Variants in ERI2 observed in about 807,000 individuals in gnomAD.
ERI2 encodes ERI1 exoribonuclease 2.
A neutral mutation model predicts 46.8 loss-of-function variants in ERI2; 35 were observed. The observed-to-expected ratio is 0.75, with a 90% CI of 0.57 to 0.99. The LOEUF is 0.99. Among genes scored for constraint, ERI2 ranks in the 50% least tolerant of loss-of-function variants. ERI2 has a pLI of 0.00. For synonymous variants in ERI2, 224 were observed against 271.0 expected, an observed-to-expected ratio of 0.83 and a Z score of 1.70; for missense variants, 695 against 796.2, an observed-to-expected ratio of 0.87 and a Z score of 1.53.
At chr16:20,780,246 C>A in exon 11 of ERI2, 1 of 183,822 alleles carries the variant, frequency 5.4e-6, no homozygotes, top group East Asian at 1.5e-4. Flanking sequence ...CAGATTTTGC[C>A]AGTAGGCTGT....
At chr16:20,786,753 A>G (rs1596531733) in intron 10 of ERI2, among the ~76,000 whole-genome samples, 2 of 152,172 alleles carry the variant, frequency 1.3e-5, no homozygotes, top group African/African-American at 4.8e-5. Context: ...TATTAGAACC[A>G]TTTTACAAAC....
chr16:20,793,328 G>C (rs2080644511), downstream of ERI2, among the ~76,000 whole-genome samples: 1 of 152,084 alleles, frequency 6.6e-6, no homozygotes, highest in Admixed American at 6.6e-5. Flanking sequence ...AATTAGCCAG[G>C]CATGGTGGCA....
intron 10 of ERI2, among the ~76,000 whole-genome samples, chr16:20,788,018 A>G (rs919946331): frequency 3.9e-5 from 6 of 152,236 alleles, no homozygotes; most frequent in Non-Finnish European, 7.3e-5. Flanking sequence ...TTTAAAGAGC[A>G]TATCAGAATG....
intron 10 of ERI2, chr16:20,784,749 C>G (rs997243915): frequency 1.5e-4 from 36 of 243,840 alleles, no homozygotes; most frequent in Non-Finnish European, 2.7e-4. Context: ...TTGGGGTATT[C>G]TAGTATCATT....
At chr16:20,799,206 C>T (rs1046941067) in intron 8 of ERI2, 57 bp downstream of exon 8, 9 of 1,592,456 alleles carry the variant, frequency 5.7e-6, no homozygotes, top group Admixed American at 1.7e-5. Flanking sequence ...TTTCAAAGAA[C>T]GTATGACTGT....
intron 10 of ERI2, chr16:20,789,463 G>GC (rs1355866098): frequency 3.2e-6 from 5 of 1,581,354 alleles, no homozygotes; most frequent in Non-Finnish European, 4.3e-6. Flanking sequence ...AGAGAGCAAG[G>GC]CTGTGGCTTA....
intron 7 of ERI2, 96 bp downstream of exon 7, chr16:20,799,861 A>C (rs766654625): frequency 1.3e-4 from 90 of 717,216 alleles, no homozygotes; most frequent in Non-Finnish European, 2.1e-4. Flanking sequence ...TTTAGGCTGA[A>C]GATATCCCTT....
rs913882767 is a variant in ERI2, at chr16:20,798,683, C to T, written c.1117G>A (p.Val373Ile). ...AFNTKSKASTVGSELVLVSTT... is the reference protein window; with the variant it reads ...AFNTKSKASTIGSELVLVSTT... ...GAAACAAGTACCAATTCTGAACCAA[C>T]TGTTGAAGCCTTAGATTTGGTATTA... Residue 373 changes from valine to isoleucine, a missense_variant, in exon 9 of 9, where the codon GTT (valine) becomes ATT (isoleucine). Transcript: ENST00000357967. The T allele has an allele frequency of 9.0e-6, 14 of 1,551,600 alleles. 1 individual carries two copies. The highest frequency in any genetic ancestry group is 3.3e-4 in the Middle Eastern group (2 of 6,014).
chr16:20,781,160 T>G, intron 10 of ERI2: 1 of 1,611,540 alleles, frequency 6.2e-7, no homozygotes, highest in Non-Finnish European at 8.5e-7. Flanking sequence ...GGTCAATATT[T>G]AGAAATGCAT....
chr16:20,781,124 C>T (rs2080344419), intron 10 of ERI2: 2 of 1,613,782 alleles, frequency 1.2e-6, no homozygotes, highest in African/African-American at 2.7e-5. Context: ...CGACTTCTAT[C>T]TTGCAAGTAA....
Position 20,803,518 on chromosome 16 carries a change from T to C in ERI2, c.92-2A>G. 5.6e-6 allele frequency: 9 copies of C among 1,613,856 alleles called. No individual in the cohort carries two copies. Among genetic ancestry groups the C allele is most frequent in the Non-Finnish European group, 7.6e-6 (9 of 1,179,730 alleles). ...CAATTAAGTAGTCAAACAACTGCTC[T>C]GCAAAAGATCAAGTTGTTCTTATGC... On this transcript the variant is annotated splice_acceptor_variant, in intron 2 of 8. Coordinates refer to ENST00000357967, the MANE Select transcript of ERI2 (RefSeq NM_001142725.2). LOFTEE classifies it high-confidence loss of function.
At position 20,783,303 on chromosome 16, in the gene ERI2, C is replaced by T. The variant is rs939039105; in HGVS notation, c.895-2569G>A. The T allele has an allele frequency of 3.3e-5, 5 of 152,302 alleles. No homozygotes were observed. The East Asian group carries it at 9.6e-4, about 29-fold the overall frequency. 9.4% of individuals were successfully genotyped at this position (152,302 alleles called of 1,614,324 possible). The stretch of plus-strand genomic sequence containing the variant: ...TACAAAGGTTTTAGAAGCTCTGGGC[C>T]AGGAACCCAGGATGAAGACTCAGTA... On this transcript the variant is annotated intron_variant, in intron 10 of 10. Coordinates refer to the ERI2 transcript ENST00000300005.
intron 1 of ERI2, among the ~76,000 whole-genome samples, chr16:20,804,455 C>T (rs188792068): frequency 5.9e-5 from 9 of 151,716 alleles, no homozygotes; most frequent in African/African-American, 1.7e-4. Context: ...GCTTGAGCTC[C>T]GGAGTTCGAG....
chr16:20,794,073 T>C (rs1317127749), downstream of ERI2, among the ~76,000 whole-genome samples: 3 of 152,122 alleles, frequency 2.0e-5, no homozygotes, highest in African/African-American at 7.2e-5. Context: ...TAGTAGAAGA[T>C]GTGAGTGGGT....
chr16:20,794,732 T>A (rs758965647), downstream of ERI2, among the ~76,000 whole-genome samples: 29 of 152,234 alleles, frequency 1.9e-4, no homozygotes, highest in Non-Finnish European at 3.5e-4. Context: ...TCTATGCTAA[T>A]TCATTTAATC....
At chr16:20,795,231 G>A (rs532248857), downstream of ERI2, among the ~76,000 whole-genome samples, 1 of 152,250 alleles carries the variant, frequency 6.6e-6, no homozygotes, top group African/African-American at 2.4e-5. Context: ...ATGTTGCCCA[G>A]TCTGCTCTCG....
At chr16:20,801,478 A>G (rs2080794896) in intron 4 of ERI2, 119 bp from the exon 5 acceptor site, 13 of 1,128,120 alleles carry the variant, frequency 1.2e-5, no homozygotes, top group Non-Finnish European at 1.6e-5. Context: ...CAAGTCATGA[A>G]AACACAGTGT....
downstream of ERI2, chr16:20,796,115 C>A (rs989569226): frequency 5.0e-6 from 2 of 403,072 alleles, no homozygotes; most frequent in Non-Finnish European, 8.6e-6. Context: ...AGCGTGACTA[C>A]TGTTTATAAG....
chr16:20,801,253 GAA>G lies in ERI2; in HGVS notation c.408_409del (p.Ser137ArgfsTer6). ...TTTTACTTCAGAAGCAGAAGGCTCTGAAATCCCAGTAGCAAAAATAATGTTCT... is the reference window on the plus strand; with the variant it reads ...TTTTACTTCAGAAGCAGAAGGCTCTGATCCCAGTAGCAAAAATAATGTTCT... On this transcript the variant is annotated frameshift_variant, in exon 5 of 9. Transcript: ENST00000357967. LOFTEE classifies it high-confidence loss of function. 6.2e-7 allele frequency: 1 copy of G among 1,612,570 alleles called. No individual in the cohort carries two copies. Among genetic ancestry groups the G allele is most frequent in the Non-Finnish European group, 8.5e-7 (1 of 1,179,366 alleles).
Sources: allele counts gnomAD v4.1 joint callset (sites outside exome capture counted in the v4.1 genomes callset), GRCh38; gene constraint gnomAD v4.1.1; transcripts MANE v1.5; gene names NCBI Gene and HGNC (gene_info 2026-07-23, HGNC 2026-07-21).